The following ANGPT1 variants were observed in gnomAD, a reference collection of about 807,000 sequenced individuals.
ANGPT1 encodes angiopoietin-1.
A neutral mutation model predicts 62.2 loss-of-function variants in ANGPT1; 17 were observed. The observed-to-expected ratio is 0.27, with a 90% CI of 0.19 to 0.41. ANGPT1 has a LOEUF of 0.41. Among genes scored for constraint, ANGPT1 ranks in the 10% least tolerant of loss-of-function variants. The probability of loss-of-function intolerance (pLI) is 1.00; values close to 1 mark genes in which losing one functional copy is unlikely to be tolerated. For missense variants in ANGPT1, 478 were observed against 594.9 expected, an observed-to-expected ratio of 0.80 and a Z score of 2.04; for synonymous variants, 199 against 198.9, an observed-to-expected ratio of 1.00 and a Z score of 0.00.
chr8:107,433,406 A>G (rs1299312812), intron 1 of ANGPT1, among the ~76,000 whole-genome samples: 1 of 152,218 alleles, frequency 6.6e-6, no homozygotes, highest in Admixed American at 6.5e-5. Flanking sequence ...GTGGCTTTCA[A>G]GATCCTGTGC....
intron 8 of ANGPT1, among the ~76,000 whole-genome samples, chr8:107,263,354 CAAAAAAAAAAAAAAAA>C (rs36190408): frequency 1.5e-4 from 14 of 91,280 alleles, no homozygotes; most frequent in Admixed American, 2.6e-4. Context: ...AACTCAGTTT[CAAAAAAAAAAAAAAAA>C]AAAAAAAAGG....
chr8:107,280,719 T>C (rs1160107205), intron 7 of ANGPT1, among the ~76,000 whole-genome samples: 1 of 152,004 alleles, frequency 6.6e-6, no homozygotes, highest in Non-Finnish European at 1.5e-5. Context: ...CAGCAATAGG[T>C]GCATAATTAG....
intron 2 of ANGPT1, among the ~76,000 whole-genome samples, chr8:107,343,835 G>A (rs957543057): frequency 6.6e-6 from 1 of 152,184 alleles, no homozygotes; most frequent in Non-Finnish European, 1.5e-5. Flanking sequence ...GCCAAGGCAG[G>A]TGAATTGCTT....
At chr8:107,400,015 C>T (rs1433194) in intron 1 of ANGPT1, among the ~76,000 whole-genome samples, 16,238 of 152,168 alleles carry the variant, frequency 0.11, 1,429 homozygotes, top group East Asian at 0.48. Context: ...GCCACATGCA[C>T]ACCATCAAAA....
intron 1 of ANGPT1, among the ~76,000 whole-genome samples, chr8:107,496,476 G>C (rs1813100204): frequency 6.6e-6 from 1 of 152,122 alleles, no homozygotes; most frequent in African/African-American, 2.4e-5. Flanking sequence ...AAACTCGCCA[G>C]GTACTGTCTC....
At chr8:107,347,926 T>C (rs1815841547) in intron 1 of ANGPT1, among the ~76,000 whole-genome samples, 1 of 152,164 alleles carries the variant, frequency 6.6e-6, no homozygotes, top group African/African-American at 2.4e-5. Context: ...AGTGACTTAC[T>C]GCAAGGGGTC....
intron 1 of ANGPT1, among the ~76,000 whole-genome samples, chr8:107,458,629 C>A (rs1376535421): frequency 6.6e-6 from 1 of 152,064 alleles, no homozygotes; most frequent in Non-Finnish European, 1.5e-5. Flanking sequence ...CTAAATGCAT[C>A]AGAATGTTAT....
chr8:107,423,729 A>G (rs145106847), intron 1 of ANGPT1, among the ~76,000 whole-genome samples: 189 of 151,384 alleles, frequency 1.2e-3, no homozygotes, highest in African/African-American at 4.4e-3. Context: ...TTCTAATAAC[A>G]TATCTGTAAT....
intron 1 of ANGPT1, among the ~76,000 whole-genome samples, chr8:107,376,455 G>A (rs1816532128): frequency 6.6e-6 from 1 of 152,184 alleles, no homozygotes; most frequent in Non-Finnish European, 1.5e-5. Context: ...AGTGTTCAGG[G>A]AGGAGGAAGA....
chr8:107,268,942 C>T (rs1355157874), intron 7 of ANGPT1, among the ~76,000 whole-genome samples: 1 of 151,968 alleles, frequency 6.6e-6, no homozygotes, highest in Non-Finnish European at 1.5e-5. Flanking sequence ...AGTATTCATC[C>T]CCCCATGTTT....
rs948096972 is a variant in ANGPT1, at chr8:107,418,653, G to A, written c.298-71556C>T. Among the ~76,000 whole-genome samples, 5 of 152,158 alleles carry A rather than the reference G, an allele frequency of 3.3e-5. 1 individual carries two copies. The highest frequency in any genetic ancestry group is 7.4e-5 in the Non-Finnish European group (5 of 68,016). ...GAGATAAAAAAGAATAATGGCTTTT[G>A]AAGATATATGTAAGTAGCAGTTTAT... On this transcript the variant is annotated intron_variant, in intron 1 of 8. Coordinates refer to ENST00000517746, the MANE Select transcript of ANGPT1 (RefSeq NM_001146.5).
At chr8:107,461,055 T>C (rs1812058667) in intron 1 of ANGPT1, among the ~76,000 whole-genome samples, 1 of 152,114 alleles carries the variant, frequency 6.6e-6, no homozygotes, top group South Asian at 2.1e-4. Flanking sequence ...ATGAAACATC[T>C]TTATGGAAAG....
intron 2 of ANGPT1, among the ~76,000 whole-genome samples, chr8:107,338,436 C>T (rs1039542447): frequency 6.6e-6 from 1 of 152,192 alleles, no homozygotes; most frequent in Non-Finnish European, 1.5e-5. Context: ...ACAGTCCTAG[C>T]CCCGCAAGGG....
chr8:107,493,880 T>C (rs1813028696), intron 1 of ANGPT1, among the ~76,000 whole-genome samples: 1 of 150,358 alleles, frequency 6.7e-6, no homozygotes, highest in Admixed American at 6.7e-5. Context: ...ATTTCAAATC[T>C]TAACTCTGAA....
At chr8:107,333,958 AAAG>A (rs1460150974) in intron 3 of ANGPT1, among the ~76,000 whole-genome samples, 24 of 99,638 alleles carry the variant, frequency 2.4e-4, no homozygotes, top group Admixed American at 6.5e-4. Flanking sequence ...GAAAGAAAGA[AAAG>A]AAAGAAAGAA....
intron 3 of ANGPT1, among the ~76,000 whole-genome samples, chr8:107,333,940 AAGAAAAAG>A (rs1375581642): frequency 2.7e-5 from 4 of 147,110 alleles, no homozygotes; most frequent in Admixed American, 6.9e-5. Flanking sequence ...GAAAGAAAGA[AAGAAAAAG>A]AAAGAAAGAA....
At chr8:107,324,899 G>T (rs957937773) in intron 3 of ANGPT1, among the ~76,000 whole-genome samples, 2 of 152,154 alleles carry the variant, frequency 1.3e-5, no homozygotes, top group East Asian at 3.9e-4. Context: ...AAGGAGCCCT[G>T]CCCTGCACCG....
chr8:107,364,697 A>G (rs1816236315), intron 1 of ANGPT1, among the ~76,000 whole-genome samples: 1 of 152,326 alleles, frequency 6.6e-6, no homozygotes, highest in Non-Finnish European at 1.5e-5. Flanking sequence ...TAACTACACC[A>G]AAGTGTAAGT....
intron 3 of ANGPT1, among the ~76,000 whole-genome samples, chr8:107,332,753 C>T (rs1378021167): frequency 6.6e-6 from 1 of 152,176 alleles, no homozygotes; most frequent in Non-Finnish European, 1.5e-5. Context: ...CAACCCCTGA[C>T]ATTCCTTGGG....
Sources: gnomAD v4.1 joint callset for allele counts (sites outside exome capture counted in the v4.1 genomes callset) on GRCh38, gnomAD v4.1.1 for gene constraint, MANE v1.5 for transcripts, NCBI Gene and HGNC (gene_info 2026-07-23, HGNC 2026-07-21) for gene names.